Variants in LIMCH1 observed in about 807,000 individuals in gnomAD.
The protein encoded by LIMCH1 is LIM and calponin homology domains 1.
Under a neutral mutation model 176.5 loss-of-function variants are expected in LIMCH1, and 113 were observed. That is an observed-to-expected ratio of 0.64 (90% CI 0.55 to 0.75). The LOEUF (loss-of-function observed/expected upper bound fraction) is 0.75. Ranked by LOEUF, LIMCH1 falls within the 30% of genes least tolerant of loss-of-function variation. LIMCH1 has a pLI of 0.00. For synonymous variants in LIMCH1, 619 were observed against 645.9 expected, an observed-to-expected ratio of 0.96 and a Z score of 0.63; for missense variants, 1,674 against 1,814.9, an observed-to-expected ratio of 0.92 and a Z score of 1.41.
chr4:41,420,221 A>G (rs996041476), intron 1 of LIMCH1, among the ~76,000 whole-genome samples: 3 of 152,128 alleles, frequency 2.0e-5, no homozygotes, highest in Non-Finnish European at 4.4e-5. Context: ...GGTAATACCT[A>G]CCTCACAGGA....
chr4:41,522,220 T>G (rs564854471), intron 2 of LIMCH1, among the ~76,000 whole-genome samples: 58 of 152,258 alleles, frequency 3.8e-4, no homozygotes, highest in African/African-American at 1.4e-3. Flanking sequence ...CCACAGCTAT[T>G]GAAAAGGGCA....
At chr4:41,485,923 G>T (rs180675554) in intron 1 of LIMCH1, among the ~76,000 whole-genome samples, 2 of 152,318 alleles carry the variant, frequency 1.3e-5, no homozygotes, top group Non-Finnish European at 2.9e-5. Flanking sequence ...AATGCAGGCA[G>T]TGAGAAGCAA....
chr4:41,489,783 T>C (rs1049355409), intron 1 of LIMCH1, among the ~76,000 whole-genome samples: 79 of 152,104 alleles, frequency 5.2e-4, no homozygotes, highest in African/African-American at 1.7e-3. Context: ...CCTTGAACAA[T>C]GCAAGGTTCA....
chr4:41,488,830 C>G (rs570470670), intron 1 of LIMCH1, among the ~76,000 whole-genome samples: 16 of 152,240 alleles, frequency 1.1e-4, no homozygotes, highest in African/African-American at 3.6e-4. Context: ...CAGGGTAATA[C>G]TAACCTATTA....
At chr4:41,651,338 A>G (rs1284217022) in intron 18 of LIMCH1, among the ~76,000 whole-genome samples, 1 of 152,102 alleles carries the variant, frequency 6.6e-6, no homozygotes, top group Non-Finnish European at 1.5e-5. Context: ...CACCAGTCAT[A>G]CTGAGTAGGT....
At chr4:41,431,918 A>G (rs564187530) in intron 1 of LIMCH1, among the ~76,000 whole-genome samples, 4 of 152,356 alleles carry the variant, frequency 2.6e-5, no homozygotes, top group South Asian at 2.1e-4. Flanking sequence ...CACCAATTGA[A>G]TAATGATTCT....
intron 21 of LIMCH1, among the ~76,000 whole-genome samples, chr4:41,667,806 G>T (rs1456834053): frequency 1.3e-5 from 2 of 151,988 alleles, no homozygotes; most frequent in Non-Finnish European, 2.9e-5. Flanking sequence ...CAACTAGACC[G>T]CTGAGTTTTA....
chr4:41,386,353 C>G (rs879936691), intron 1 of LIMCH1, among the ~76,000 whole-genome samples: 5 of 152,212 alleles, frequency 3.3e-5, no homozygotes, highest in Non-Finnish European at 7.3e-5. Flanking sequence ...GGGAAAGTTA[C>G]TTAACCTCTC....
chr4:41,649,805 G>T (rs1475487126), intron 17 of LIMCH1, among the ~76,000 whole-genome samples: 1 of 152,140 alleles, frequency 6.6e-6, no homozygotes, highest in Admixed American at 6.5e-5. Flanking sequence ...ATATTTTAAT[G>T]TGCATGGTCT....
chr4:41,655,381 G>A (rs906279438), intron 18 of LIMCH1, among the ~76,000 whole-genome samples: 3 of 152,126 alleles, frequency 2.0e-5, no homozygotes, highest in African/African-American at 7.2e-5. Flanking sequence ...GTGCCACTCA[G>A]CTATCTTTAA....
chr4:41,430,905 G>A (rs1396472494), intron 1 of LIMCH1, among the ~76,000 whole-genome samples: 1 of 150,804 alleles, frequency 6.6e-6, no homozygotes, highest in African/African-American at 2.4e-5. Flanking sequence ...TTTTCTATGT[G>A]TCTTTCAGTG....
chr4:41,602,550 T>G (rs1464087685), intron 2 of LIMCH1, among the ~76,000 whole-genome samples: 1 of 152,106 alleles, frequency 6.6e-6, no homozygotes, highest in East Asian at 1.9e-4. Context: ...TCTGGTTTCT[T>G]TCTTAAATTA....
At chr4:41,423,066 T>C (rs2060759632) in intron 1 of LIMCH1, among the ~76,000 whole-genome samples, 1 of 152,130 alleles carries the variant, frequency 6.6e-6, no homozygotes, top group Non-Finnish European at 1.5e-5. Flanking sequence ...CCTGGGGATT[T>C]AAAATGGAGT....
At chr4:41,407,331 C>T (rs567792496) in intron 1 of LIMCH1, among the ~76,000 whole-genome samples, 44 of 152,236 alleles carry the variant, frequency 2.9e-4, no homozygotes, top group African/African-American at 9.9e-4. Flanking sequence ...TGGGCTCAAG[C>T]GATCCTCCCA....
intron 6 of LIMCH1, chr4:41,619,661 C>A: frequency 1.7e-6 from 1 of 587,246 alleles, no homozygotes; most frequent in East Asian, 2.9e-5. Context: ...AGGTATTCAG[C>A]AACTACTTGT....
At chr4:41,692,143 C>A in intron 30 of LIMCH1, 139 bp from the exon 31 acceptor site, 1 of 609,784 alleles carries the variant, frequency 1.6e-6, no homozygotes, top group Non-Finnish European at 3.0e-6. Context: ...ACTGGTGCAG[C>A]ATCTTACACA....
intron 14 of LIMCH1, among the ~76,000 whole-genome samples, chr4:41,644,076 T>C (rs2093946230): frequency 6.6e-6 from 1 of 152,160 alleles, no homozygotes; most frequent in African/African-American, 2.4e-5. Context: ...TTTTACTTCA[T>C]GGAACACCGC....
chr4:41,646,814 C>T lies in LIMCH1; in HGVS notation c.2741C>T (p.Thr914Ile), dbSNP rs746538495. 1.5e-5 allele frequency: 24 copies of T among 1,614,084 alleles called. No individual in the cohort carries two copies. The highest frequency in any genetic ancestry group is 3.3e-5 in the Admixed American group (2 of 60,012). Reference sequence around the variant, plus strand: ...AGTGGGTCTCCAAGCAAAACTGTCACTCCCAAAGCAGTGCCTATGCTGACA... The same window carrying T: ...AGTGGGTCTCCAAGCAAAACTGTCATTCCCAAAGCAGTGCCTATGCTGACA... ...AGSGSPSKTVTPKAVPMLTPK... is the reference protein window; with the variant it reads ...AGSGSPSKTVIPKAVPMLTPK... The change falls in exon 17 of 32, where the codon ACT becomes ATT. Residue 914 changes from threonine to isoleucine, a missense_variant. Thr to Ile is a moderately conservative substitution (Grantham distance 89, BLOSUM62 -1). Transcript: ENST00000503057.
At chr4:41,693,423 A>G (rs1192544019) in intron 31 of LIMCH1, 1 of 152,122 alleles carries the variant, frequency 6.6e-6, no homozygotes, top group Admixed American at 6.5e-5. Context: ...ATAAAAATTT[A>G]ATCAAACCCA....
Sources: allele counts gnomAD v4.1 joint callset (sites outside exome capture counted in the v4.1 genomes callset), GRCh38; gene constraint gnomAD v4.1.1; transcripts MANE v1.5; gene names NCBI Gene and HGNC (gene_info 2026-07-23, HGNC 2026-07-21).